KBTBD13: variants seen among roughly 807,000 people sequenced by gnomAD.
KBTBD13 encodes kelch repeat and BTB domain containing 13, also known as kelch repeat and BTB domain-containing protein 13.
KBTBD13 carries 32 observed loss-of-function variants against 25.4 expected under a neutral mutation model. The ratio of observed to expected loss-of-function variants is 1.26; its 90% CI spans 0.95 to 1.69. The LOEUF is 1.69. Among genes scored for constraint, KBTBD13 ranks in the 40% most tolerant of loss-of-function variants. The probability of loss-of-function intolerance (pLI) is 0.00; values close to 1 mark genes in which losing one functional copy is unlikely to be tolerated. For missense variants in KBTBD13, 898 were observed against 679.5 expected (o/e 1.32, Z -3.57); for synonymous variants, 436 against 329.8 (o/e 1.32, Z -3.49).
At position 65,077,088 on chromosome 15, in the gene KBTBD13, G is replaced by T; in HGVS notation, c.273G>T (p.Pro91=). ...AVECAAFLQA[P]ALARFLEHNL... ...AGTGCGCCGCCTTCCTCCAGGCGCC[G>T]GCGCTGGCTCGCTTTCTGGAGCACA... The change falls in exon 1 of 1, where the codon CCG becomes CCT. Residue 91 remains proline, a synonymous_variant. Transcript: ENST00000432196. 1.3e-6 allele frequency: 2 copies of T among 1,521,552 alleles called. No individual in the cohort carries two copies. Among genetic ancestry groups the T allele is most frequent in the Non-Finnish European group, 1.8e-6 (2 of 1,138,850 alleles). The allele number at this position is 1,521,552 out of a possible 1,614,324, so 94.3% of individuals were successfully genotyped here. A position where few individuals can be genotyped will look rare whatever the true frequency, so the allele number is the denominator to read the frequency against.
rs749520412 is a variant in KBTBD13, at chr15:65,077,314, C to G, written c.499C>G (p.Pro167Ala). Residue 167 changes from proline (P) to alanine (A), a missense_variant, in exon 1 of 1, where the codon CCC (proline) becomes GCC (alanine). Transcript: ENST00000432196. ...YAAVSTHTPAPGFLEDASRTL... is the reference protein window; with the variant it reads ...YAAVSTHTPAAGFLEDASRTL... ...GGCCGTGAGCACGCACACGCCCGCGCCCGGCTTCCTGGAGGACGCCTCGCG... is the reference window on the plus strand; with the variant it reads ...GGCCGTGAGCACGCACACGCCCGCGGCCGGCTTCCTGGAGGACGCCTCGCG... 5.5e-5 allele frequency: 79 copies of G among 1,423,696 alleles called. No homozygotes were observed. Among genetic ancestry groups the G allele is most frequent in the Non-Finnish European group, 7.0e-5 (77 of 1,092,860 alleles). The allele number at this position is 1,423,696 out of a possible 1,614,324, so 88.2% of individuals were successfully genotyped here. A position where few individuals can be genotyped will look rare whatever the true frequency, so the allele number is the denominator to read the frequency against.
Position 65,077,722 on chromosome 15 carries a change from G to C in KBTBD13, c.907G>C (p.Ala303Pro). 1 of 1,585,616 alleles carries C rather than the reference G, an allele frequency of 6.3e-7. No individual in the cohort carries two copies. Among genetic ancestry groups the C allele is most frequent in the Non-Finnish European group, 8.5e-7 (1 of 1,171,226 alleles). Residue 303 changes from alanine (A) to proline (P), a missense_variant, in exon 1 of 1, where the codon GCT (alanine) becomes CCT (proline). Transcript: ENST00000432196. ...QPAAGVPCAQ[A>P]CGRLFVCLWR... ...GGCCGCCGGCGTGCCCTGCGCCCAGGCTTGTGGCCGTCTCTTCGTGTGCCT... is the reference window on the plus strand; with the variant it reads ...GGCCGCCGGCGTGCCCTGCGCCCAGCCTTGTGGCCGTCTCTTCGTGTGCCT...
rs946144289 is a variant in KBTBD13, at chr15:65,077,033, C to T, written c.218C>T (p.Ala73Val). The change falls in exon 1 of 1, where the codon GCG (alanine) becomes GTG (valine). Residue 73 changes from alanine to valine, a missense_variant. Transcript: ENST00000432196. ...CTGCGCGGCGACCGGCCGGCGCTGG[C>T]GGCGGAGGACGAGCTGCTGCAGGCC... ...QVLRGDRPAL[A>V]AEDELLQAVE... 1 of 1,497,292 alleles carries T rather than the reference C, an allele frequency of 6.7e-7. No individual in the cohort carries two copies. The highest frequency in any genetic ancestry group is 1.3e-5 in the South Asian group (1 of 78,838). The allele number at this position is 1,497,292 out of a possible 1,614,324, so 92.8% of individuals were successfully genotyped here.
At position 65,076,841 on chromosome 15, in the gene KBTBD13, T is replaced by G; in HGVS notation, c.26T>G (p.Val9Gly). 1 of 1,556,108 alleles carries G rather than the reference T, an allele frequency of 6.4e-7. No homozygotes were observed. Among genetic ancestry groups the G allele is most frequent in the Non-Finnish European group, 8.6e-7 (1 of 1,157,744 alleles). Reference sequence around the variant, plus strand: ...ATGGCACGGGGTCCACAGACCCTGGTGCAGGTGTGGGTGGGCGGCCAGCTC... The same window carrying G: ...ATGGCACGGGGTCCACAGACCCTGGGGCAGGTGTGGGTGGGCGGCCAGCTC... MARGPQTL[V>G]QVWVGGQLFQ... The change falls in exon 1 of 1, where the codon GTG becomes GGG. Residue 9 changes from valine to glycine, a missense_variant. Transcript: ENST00000432196.
Position 65,077,140 on chromosome 15 carries a change from C to T in KBTBD13, c.325C>T (p.Leu109=), listed in dbSNP as rs2086983618. 5 of 1,516,240 alleles carry T rather than the reference C, an allele frequency of 3.3e-6. No homozygotes were observed. In the African/African-American group the frequency reaches 5.7e-5, roughly 17 times the overall value. 93.9% of individuals were successfully genotyped at this position (1,516,240 alleles called of 1,614,324 possible). ...HNLTSDNCAL[L]CDAAAAFGLR... ...CCTCACGTCGGACAACTGCGCATTG[C>T]TGTGCGACGCGGCCGCCGCCTTCGG... The change falls in exon 1 of 1, where the codon CTG becomes TTG. Residue 109 remains leucine (L), a synonymous_variant. Coordinates refer to ENST00000432196, the MANE Select transcript of KBTBD13 (RefSeq NM_001101362.3).
chr15:65,078,338 A>G lies in KBTBD13; in HGVS notation c.*146A>G. ...TTTGGTGCCTTCTGGTGGTGTGGAC[A>G]TGTTCAAGAAGCTCAGGGAGCAGTG... On this transcript the variant is annotated 3_prime_UTR_variant, in exon 1 of 1. Coordinates refer to ENST00000432196, the MANE Select transcript of KBTBD13 (RefSeq NM_001101362.3). 4.2e-6 allele frequency: 5 copies of G among 1,195,148 alleles called. No homozygotes were observed. Among genetic ancestry groups the G allele is most frequent in the Non-Finnish European group, 5.7e-6 (5 of 877,768 alleles). 74.0% of individuals were successfully genotyped at this position (1,195,148 alleles called of 1,614,324 possible).
rs2087020375 is a variant in KBTBD13 at position 65,079,698 on chromosome 15, C to T, written c.*1506C>T. Among the ~76,000 whole-genome samples, 1 of 152,212 alleles carries T rather than the reference C, an allele frequency of 6.6e-6. No individual in the cohort carries two copies. Among genetic ancestry groups the T allele is most frequent in the Admixed American group, 6.5e-5 (1 of 15,288 alleles). On this transcript the variant is annotated 3_prime_UTR_variant, in exon 1 of 1. Transcript: ENST00000432196. ...TGGGAAGACTTCTCTGGGTGGTTCT[C>T]ATTGGTCTCCATCCCCCAGGACCTG...
rs961070018 is a variant in KBTBD13 at position 65,078,412 on chromosome 15, A to C, written c.*220A>C. ...CTCTGCTGAGAGCTGGTGGGTCACA[A>C]TGTCAGTGAACAGGGTAGGGGGAGT... is the stretch of plus-strand genomic sequence containing the variant. On this transcript the variant is annotated 3_prime_UTR_variant, in exon 1 of 1. Transcript: ENST00000432196. Among the ~76,000 whole-genome samples the C allele has an allele frequency of 6.6e-6, 1 of 152,180 alleles. No individual in the cohort carries two copies. Among genetic ancestry groups the C allele is most frequent in the African/African-American group, 2.4e-5 (1 of 41,456 alleles).
Position 65,077,502 on chromosome 15 carries a change from C to T in KBTBD13, c.687C>T (p.Phe229=). 8.5e-6 allele frequency: 13 copies of T among 1,524,138 alleles called. No homozygotes were observed. The highest frequency in any genetic ancestry group is 1.1e-5 in the Non-Finnish European group (13 of 1,137,074). The allele number at this position is 1,524,138 out of a possible 1,614,324, so 94.4% of individuals were successfully genotyped here. Residue 229 remains phenylalanine, a synonymous_variant, in exon 1 of 1, where the codon TTC becomes TTT. Transcript: ENST00000432196. The stretch of plus-strand genomic sequence containing the variant: ...GCAAGGAGGTGGTAGAGCTGGGCTT[C>T]TGCTACGACCCCGACGGCGGCACGT... The part of the protein sequence containing the change: ...GASKEVVELG[F]CYDPDGGTWH...
In KBTBD13 at chr15:65,077,637, C is replaced by A; in HGVS notation, c.822C>A (p.Ser274=). 1 of 1,591,070 alleles carries A rather than the reference C, an allele frequency of 6.3e-7. No homozygotes were observed. Among genetic ancestry groups the A allele is most frequent in the Non-Finnish European group, 8.5e-7 (1 of 1,174,800 alleles). ...AATTCCAGAGGACGCCCATCAGCTC[C>A]GTGGAGCGCTACGACCCAGCCGCGG... is the stretch of plus-strand genomic sequence containing the variant. ...GGEFQRTPIS[S]VERYDPAAGC... The change falls in exon 1 of 1, where the codon TCC becomes TCA. Residue 274 remains serine, a synonymous_variant. Transcript: ENST00000432196.
Position 65,076,899 on chromosome 15 carries a change from CTG to C in KBTBD13, c.87_88del (p.Cys29TrpfsTer115), listed in dbSNP as rs1338535507. The stretch of plus-strand genomic sequence containing the variant: ...CCGACCGCGCCCTGCTGGTGGAGCA[CTG>C]TGGCTTCTTCCGAGGCCTCTTCCGC... ...QADRALLVEH[C>X]GFFRGLFRSG... On this transcript the variant is annotated frameshift_variant, in exon 1 of 1. Transcript: ENST00000432196. LOFTEE classifies it high-confidence loss of function. 2 of 1,565,392 alleles carry C rather than the reference CTG, an allele frequency of 1.3e-6. No individual in the cohort carries two copies. Among genetic ancestry groups the C allele is most frequent in the Non-Finnish European group, 1.7e-6 (2 of 1,163,178 alleles).
Position 65,077,249 on chromosome 15 carries a change from C to A in KBTBD13, c.434C>A (p.Ala145Asp). The change falls in exon 1 of 1, where the codon GCC becomes GAC. Residue 145 changes from alanine (A) to aspartate (D), a missense_variant. Physicochemically the swap from Ala to Asp is moderately radical, Grantham distance 126. Transcript: ENST00000432196. ...ELAAELALPE[A>D]RAYVAALRPS... ...GCGGCCGAACTGGCGCTGCCTGAGG[C>A]CCGCGCCTACGTGGCGGCCCTGCGG... 7.1e-7 allele frequency: 1 copy of A among 1,415,984 alleles called. No homozygotes were observed. The highest frequency in any genetic ancestry group is 3.0e-5 in the Admixed American group (1 of 33,862). 87.7% of individuals were successfully genotyped at this position (1,415,984 alleles called of 1,614,324 possible). A position where few individuals can be genotyped will look rare whatever the true frequency, so the allele number is the denominator to read the frequency against.
In KBTBD13 at chr15:65,076,761, T is replaced by TTGG; in HGVS notation, c.-51_-49dup. On this transcript the variant is annotated 5_prime_UTR_variant, in exon 1 of 1. Coordinates refer to ENST00000432196, the MANE Select transcript of KBTBD13 (RefSeq NM_001101362.3). Reference sequence around the variant, plus strand: ...TTTTTGCTCCAGGGGAGCCCCAGAGTTGGTGGCTGGCTAACCCAAGGCCCC... The same window carrying TTGG: ...TTTTTGCTCCAGGGGAGCCCCAGAGTTGGTGGTGGCTGGCTAACCCAAGGCCCC... The TTGG allele has an allele frequency of 6.9e-7, 1 of 1,458,328 alleles. No homozygotes were observed. The highest frequency in any genetic ancestry group is 9.1e-7 in the Non-Finnish European group (1 of 1,103,112). The allele number at this position is 1,458,328 out of a possible 1,614,324, so 90.3% of individuals were successfully genotyped here. A position where few individuals can be genotyped will look rare whatever the true frequency, so the allele number is the denominator to read the frequency against.
rs1566959901 is a variant in KBTBD13, at chr15:65,077,194, C to CCTG, written c.379_380insCTG (p.Leu127delinsProVal). 6.8e-7 allele frequency: 1 copy of CCTG among 1,469,482 alleles called. No individual in the cohort carries two copies. Among genetic ancestry groups the CCTG allele is most frequent in the Non-Finnish European group, 9.0e-7 (1 of 1,113,056 alleles). The allele number at this position is 1,469,482 out of a possible 1,614,324, so 91.0% of individuals were successfully genotyped here. A position where few individuals can be genotyped will look rare whatever the true frequency, so the allele number is the denominator to read the frequency against. ...GCGCGACGTGTTCCACAGTGCCGCG[C>CCTG]TCTTCATCTGCGACGGCGAGCGCGA... On this transcript the variant is annotated protein_altering_variant, in exon 1 of 1. Coordinates refer to ENST00000432196, the MANE Select transcript of KBTBD13 (RefSeq NM_001101362.3).
rs759474251 is a variant in KBTBD13 at position 65,077,103 on chromosome 15, T to G, written c.288T>G (p.Phe96Leu). ...TCCAGGCGCCGGCGCTGGCTCGCTTTCTGGAGCACAACCTCACGTCGGACA... is the reference window on the plus strand; with the variant it reads ...TCCAGGCGCCGGCGCTGGCTCGCTTGCTGGAGCACAACCTCACGTCGGACA... ...AFLQAPALARFLEHNLTSDNC... is the reference protein window; with the variant it reads ...AFLQAPALARLLEHNLTSDNC... Residue 96 changes from phenylalanine to leucine, a missense_variant, in exon 1 of 1, where the codon TTT becomes TTG. Phe to Leu is a conservative substitution (Grantham distance 22). Transcript: ENST00000432196. The G allele has an allele frequency of 4.9e-5, 75 of 1,523,174 alleles. No homozygotes were observed. The highest frequency in any genetic ancestry group is 6.3e-5 in the Non-Finnish European group (72 of 1,139,660). The allele number at this position is 1,523,174 out of a possible 1,614,324, so 94.4% of individuals were successfully genotyped here.
rs2087003602 is a variant in KBTBD13 at position 65,077,935 on chromosome 15, C to G, written c.1120C>G (p.Leu374Val). The change falls in exon 1 of 1, where the codon CTG becomes GTG. Residue 374 changes from leucine to valine, a missense_variant. Physicochemically the swap from Leu to Val is conservative, Grantham distance 32. Transcript: ENST00000432196. ...GCACTGCGCCATCGACTGTCTCAAC[C>G]TGGCCACGGGCCAGTGGACGGCGCT... ...FLHCAIDCLN[L>V]ATGQWTALPG... 6 of 1,611,916 alleles carry G rather than the reference C, an allele frequency of 3.7e-6. No homozygotes were observed. The highest frequency in any genetic ancestry group is 5.1e-6 in the Non-Finnish European group (6 of 1,179,804).
At position 65,076,829 on chromosome 15, in the gene KBTBD13, C is replaced by T. The variant is rs767820390; in HGVS notation, c.14C>T (p.Pro5Leu). 4 of 1,543,224 alleles carry T rather than the reference C, an allele frequency of 2.6e-6. No homozygotes were observed. In the East Asian group the frequency reaches 7.2e-5, roughly 28 times the overall value. The change falls in exon 1 of 1, where the codon CCA becomes CTA. Residue 5 changes from proline (P) to leucine (L), a missense_variant. Pro to Leu is a moderately conservative substitution (Grantham distance 98). Coordinates refer to ENST00000432196, the MANE Select transcript of KBTBD13 (RefSeq NM_001101362.3). ...GGCCAGCTCGCCATGGCACGGGGTC[C>T]ACAGACCCTGGTGCAGGTGTGGGTG... MARG[P>L]QTLVQVWVGG...
In KBTBD13 at chr15:65,078,296, C is replaced by A; in HGVS notation, c.*104C>A. ...GAAGTAGCTGGCAACTTCCCTCTTT[C>A]TACTGAGACACCCAGGTTTGGTGCC... On this transcript the variant is annotated 3_prime_UTR_variant, in exon 1 of 1. Coordinates refer to ENST00000432196, the MANE Select transcript of KBTBD13 (RefSeq NM_001101362.3). The A allele has an allele frequency of 4.2e-6, 6 of 1,438,582 alleles. No homozygotes were observed. Among genetic ancestry groups the A allele is most frequent in the Non-Finnish European group, 5.5e-6 (6 of 1,088,676 alleles). 89.1% of individuals were successfully genotyped at this position (1,438,582 alleles called of 1,614,324 possible). A position where few individuals can be genotyped will look rare whatever the true frequency, so the allele number is the denominator to read the frequency against.
chr15:65,077,330 A>G lies in KBTBD13; in HGVS notation c.515A>G (p.Asp172Gly), dbSNP rs529890881. Residue 172 changes from aspartate to glycine, a missense_variant, in exon 1 of 1, where the codon GAC becomes GGC. By Grantham distance (94) the Asp-to-Gly change is moderately conservative (BLOSUM62 -1). Transcript: ENST00000432196. ...THTPAPGFLE[D>G]ASRTLCYLDE... ...ACGCCCGCGCCCGGCTTCCTGGAGG[A>G]CGCCTCGCGCACGCTGTGTTACCTG... The G allele has an allele frequency of 1.4e-6, 2 of 1,435,674 alleles. No homozygotes were observed. Among genetic ancestry groups the G allele is most frequent in the South Asian group, 2.8e-5 (2 of 71,512 alleles). 88.9% of individuals were successfully genotyped at this position (1,435,674 alleles called of 1,614,324 possible).
Sources: allele counts gnomAD v4.1 joint callset (sites outside exome capture counted in the v4.1 genomes callset), GRCh38; gene constraint gnomAD v4.1.1; transcripts MANE v1.5; gene names NCBI Gene and HGNC (gene_info 2026-07-23, HGNC 2026-07-21).